SLC11A2: variants seen among roughly 807,000 people sequenced by gnomAD.
The protein encoded by SLC11A2 is natural resistance-associated macrophage protein 2.
SLC11A2 carries 38 observed loss-of-function variants against 68.0 expected under a neutral mutation model. That is an observed-to-expected ratio of 0.56 (90% CI 0.43 to 0.73). The LOEUF (loss-of-function observed/expected upper bound fraction) is 0.73, where lower values mean the gene tolerates loss of function less well. SLC11A2 is among the 30% of genes least tolerant of loss of function. The probability of loss-of-function intolerance (pLI) is 0.00; values close to 1 mark genes in which losing one functional copy is unlikely to be tolerated. For synonymous variants in SLC11A2, 242 were observed against 250.6 expected (o/e 0.97, Z 0.32); for missense variants, 517 against 690.5 (o/e 0.75, Z 2.82).
intron 1 of SLC11A2, chr12:51,025,949 T>A: frequency 2.0e-6 from 2 of 1,000,398 alleles, no homozygotes; most frequent in Non-Finnish European, 2.4e-6. Flanking sequence ...CGTCGGCCTC[T>A]TTCGAGGCGT....
chr12:50,964,334 G>C, the SLC11A2 span, among the ~76,000 whole-genome samples: 1 of 152,176 alleles, frequency 6.6e-6, no homozygotes, highest in African/African-American at 2.4e-5. Context: ...ATGGTTATTT[G>C]ACTGGTGGGG....
the SLC11A2 span, among the ~76,000 whole-genome samples, chr12:50,965,465 A>T: frequency 6.6e-6 from 1 of 151,930 alleles, no homozygotes; most frequent in Non-Finnish European, 1.5e-5. Flanking sequence ...TTCCTACTAT[A>T]ATAGCCCTTA....
At chr12:51,008,657 A>C in intron 2 of SLC11A2, 33 bp from the exon 3 acceptor site, 2 of 1,513,826 alleles carry the variant, frequency 1.3e-6, no homozygotes, top group Non-Finnish European at 1.8e-6. Context: ...AAATTAGTAA[A>C]AAATGAACAA....
chr12:51,003,564 AAAAC>A (rs1012370865), intron 5 of SLC11A2, among the ~76,000 whole-genome samples: 15 of 150,040 alleles, frequency 1.0e-4, no homozygotes, highest in South Asian at 6.2e-4. Flanking sequence ...AAAAAAAAAC[AAAAC>A]AAACAAACAA....
Position 50,987,323 on chromosome 12 carries a change from T to G in SLC11A2, c.*1002A>C. ...TAAGTCCACAGCTCCTGAGATTGCCTCGCAAGTCATCTTGGGCATGAAGCA... is the reference window on the plus strand; with the variant it reads ...TAAGTCCACAGCTCCTGAGATTGCCGCGCAAGTCATCTTGGGCATGAAGCA... On this transcript the variant is annotated 3_prime_UTR_variant, in exon 16 of 16. Transcript: ENST00000262052. 1 of 1,287,204 alleles carries G rather than the reference T, an allele frequency of 7.8e-7. No homozygotes were observed. The highest frequency in any genetic ancestry group is 1.5e-5 in the African/African-American group (1 of 65,918). The allele number at this position is 1,287,204 out of a possible 1,614,324, so 79.7% of individuals were successfully genotyped here. A position where few individuals can be genotyped will look rare whatever the true frequency, so the allele number is the denominator to read the frequency against.
At chr12:50,994,283 G>C (rs1015056278) in intron 11 of SLC11A2, among the ~76,000 whole-genome samples, 1 of 152,134 alleles carries the variant, frequency 6.6e-6, no homozygotes, top group Non-Finnish European at 1.5e-5. Flanking sequence ...CTGAGCTCAA[G>C]TGATCCACCC....
chr12:50,992,735 AAAAAAAAAAAAG>A, intron 12 of SLC11A2, 63 bp downstream of exon 12: 1 of 1,395,752 alleles, frequency 7.2e-7, no homozygotes, highest in Admixed American at 2.2e-5. Flanking sequence ...CATCTCAAAA[AAAAAAAAAAAAG>A]AAGAAGAAGA....
At chr12:51,007,237 CAT>C (rs2136295130) in intron 3 of SLC11A2, among the ~76,000 whole-genome samples, 1 of 152,286 alleles carries the variant, frequency 6.6e-6, no homozygotes, top group East Asian at 1.9e-4. Context: ...ACCTTGGGCA[CAT>C]GTTCTCGGGA....
chr12:50,954,582 C>CG, the SLC11A2 span, among the ~76,000 whole-genome samples: 5 of 152,068 alleles, frequency 3.3e-5, no homozygotes, highest in African/African-American at 7.2e-5. Flanking sequence ...GCTTCTAGGC[C>CG]GGGCACGGTG....
intron 11 of SLC11A2, 77 bp downstream of exon 11, chr12:50,994,467 G>C: frequency 2.2e-6 from 2 of 895,376 alleles, no homozygotes; most frequent in Admixed American, 3.4e-5. Flanking sequence ...TATCTGAAGT[G>C]AAGTCACAAA....
downstream of SLC11A2, among the ~76,000 whole-genome samples, chr12:50,975,348 G>T (rs371554070): frequency 6.6e-6 from 1 of 151,972 alleles, no homozygotes; most frequent in African/African-American, 2.4e-5. Flanking sequence ...ACTCAAAACC[G>T]CTCAACTACA....
intron 15 of SLC11A2, among the ~76,000 whole-genome samples, chr12:50,989,469 C>T (rs1390874086): frequency 6.6e-6 from 1 of 152,056 alleles, no homozygotes; most frequent in South Asian, 2.1e-4. Flanking sequence ...CTAGCTTGGG[C>T]GATAGAGAAA....
rs113294062 is a variant in SLC11A2 at position 51,002,149 on chromosome 12, C to T, written c.430-1730G>A. Among the ~76,000 whole-genome samples the T allele has an allele frequency of 3.5e-3, 538 of 152,138 alleles. 1 individual carries two copies. The highest frequency in any genetic ancestry group is 5.7e-3 in the Non-Finnish European group (385 of 67,992). ...GATTACTTGAGCCCAGGAGTTCAAG[C>T]CCAGCCTTGGCAACATGGCAAAACC... On this transcript the variant is annotated intron_variant, in intron 5 of 15. Coordinates refer to ENST00000262052, the MANE Select transcript of SLC11A2 (RefSeq NM_000617.3).
In SLC11A2 at chr12:50,996,996, T is replaced by C; in HGVS notation, c.676-24A>G. 4 of 1,610,048 alleles carry C rather than the reference T, an allele frequency of 2.5e-6. 1 individual carries two copies. The South Asian group carries it at 3.3e-5, about 13-fold the overall frequency. ...TACTACATACCAACATAACAATGATTAGCCTTTACAGGAACGTGAAACGGG... is the reference window on the plus strand; with the variant it reads ...TACTACATACCAACATAACAATGATCAGCCTTTACAGGAACGTGAAACGGG... On this transcript the variant is annotated intron_variant, in intron 8 of 15. Coordinates refer to ENST00000262052, the MANE Select transcript of SLC11A2 (RefSeq NM_000617.3).
Position 51,008,330 on chromosome 12 carries a change from T to C in SLC11A2, c.183+146A>G, listed in dbSNP as rs1942930229. 7.7e-6 allele frequency: 5 copies of C among 649,402 alleles called. No homozygotes were observed. In the South Asian group the frequency reaches 8.1e-5, roughly 10 times the overall value. 40.2% of individuals were successfully genotyped at this position (649,402 alleles called of 1,614,324 possible). On this transcript the variant is annotated intron_variant, in intron 3 of 15. Coordinates refer to ENST00000262052, the MANE Select transcript of SLC11A2 (RefSeq NM_000617.3). ...GTGTGTGTGTGTGTGTGTGTGTATA[T>C]ATATATATAGATATATAGATATAGT...
At chr12:51,006,658 C>G (rs12306082) in intron 3 of SLC11A2, among the ~76,000 whole-genome samples, 1 of 152,148 alleles carries the variant, frequency 6.6e-6, no homozygotes, top group Non-Finnish European at 1.5e-5. Context: ...GAGGCTTCAC[C>G]TACATAATAA....
chr12:51,015,253 A>T (rs879674204), intron 1 of SLC11A2, among the ~76,000 whole-genome samples: 5 of 151,590 alleles, frequency 3.3e-5, no homozygotes, highest in Non-Finnish European at 7.4e-5. Context: ...AGGCAGGCGG[A>T]TCACCTGAGG....
At chr12:50,993,227 T>C in intron 11 of SLC11A2, 1 of 367,218 alleles carries the variant, frequency 2.7e-6, no homozygotes, top group Non-Finnish European at 5.0e-6. Flanking sequence ...TCTACACCAC[T>C]TTCCCCAAAT....
rs551806444 is a variant in SLC11A2, at chr12:50,988,334, G to A, written c.1677C>T (p.Tyr559=). ...ACAGACTAATCCAGTGTTATTTAAC[G>A]TAGCCACGGGTGGCTTCTTCTGTCA... ...GLLTEEATRG[Y]VK is the part of the protein sequence containing the mutation. Residue 559 remains tyrosine, a synonymous_variant, in exon 16 of 16, where the codon TAC becomes TAT. Transcript: ENST00000262052. The A allele has an allele frequency of 1.5e-5, 24 of 1,613,962 alleles. No individual in the cohort carries two copies. Among genetic ancestry groups the A allele is most frequent in the East Asian group, 8.9e-5 (4 of 44,876 alleles).
Sources: gnomAD v4.1 joint callset for allele counts (sites outside exome capture counted in the v4.1 genomes callset) on GRCh38, gnomAD v4.1.1 for gene constraint, MANE v1.5 for transcripts, NCBI Gene and HGNC (gene_info 2026-07-23, HGNC 2026-07-21) for gene names.